The following PCDH9 variants were observed in gnomAD, a reference collection of about 807,000 sequenced individuals.
PCDH9 encodes protocadherin-9.
Under a neutral mutation model 70.6 loss-of-function variants are expected in PCDH9, and 24 were observed. The ratio of observed to expected loss-of-function variants is 0.34; its 90% CI spans 0.25 to 0.48. The LOEUF (loss-of-function observed/expected upper bound fraction) is 0.48, where lower values mean the gene tolerates loss of function less well. Among genes scored for constraint, PCDH9 ranks in the 20% least tolerant of loss-of-function variants. The pLI is 0.99. For missense variants in PCDH9, 1,281 were observed against 1,503.6 expected (o/e 0.85, Z 2.45); for synonymous variants, 562 against 558.5 (o/e 1.01, Z -0.09).
At chr13:66,651,040 C>A (rs895737197) in intron 3 of PCDH9, among the ~76,000 whole-genome samples, 1 of 150,882 alleles carries the variant, frequency 6.6e-6, no homozygotes, top group African/African-American at 2.4e-5. Context: ...AAAACAATAC[C>A]CAAAGTAAAA....
At chr13:66,690,622 T>C (rs1040727707) in intron 3 of PCDH9, among the ~76,000 whole-genome samples, 2 of 152,164 alleles carry the variant, frequency 1.3e-5, no homozygotes, top group African/African-American at 4.8e-5. Context: ...AAGGCAATTT[T>C]AAAAGTCACT....
chr13:66,555,764 C>T (rs993514011), intron 4 of PCDH9, among the ~76,000 whole-genome samples: 2 of 139,626 alleles, frequency 1.4e-5, no homozygotes, highest in Non-Finnish European at 3.2e-5. Context: ...CAATGTAAAA[C>T]CTAGTTTAAA....
At chr13:67,192,551 A>G (rs2088946712) in intron 2 of PCDH9, among the ~76,000 whole-genome samples, 1 of 152,200 alleles carries the variant, frequency 6.6e-6, no homozygotes, top group Non-Finnish European at 1.5e-5. Context: ...AATAACAAGA[A>G]CATATTCATT....
At chr13:66,369,179 G>A (rs551275091) in intron 4 of PCDH9, among the ~76,000 whole-genome samples, 143 of 152,116 alleles carry the variant, frequency 9.4e-4, no homozygotes, top group African/African-American at 3.3e-3. Context: ...TGTTTTTAAG[G>A]GTGAACATCT....
rs2089930022 is a variant in PCDH9, at chr13:67,228,230, C to T, written c.211G>A (p.Gly71Arg). The change falls in exon 2 of 5, where the codon GGG becomes AGG. Residue 71 changes from glycine to arginine, a missense_variant. Gly to Arg is a moderately radical substitution (Grantham distance 125). Transcript: ENST00000377865. ...SLVYRLVSKA[G>R]DAPLVKVSSS... ...GAAACTTTCACCAAAGGGGCATCCC[C>T]AGCTTTAGAAACCAGTCTGTAGACA... The T allele has an allele frequency of 6.2e-7, 1 of 1,612,358 alleles. No individual in the cohort carries two copies. The highest frequency in any genetic ancestry group is 1.7e-5 in the Admixed American group (1 of 59,786).
rs111482180 is a variant in PCDH9, at chr13:66,320,854, T to G, written c.3341-15826A>C. Among the ~76,000 whole-genome samples, 1,434 of 152,072 alleles carry G rather than the reference T, an allele frequency of 9.4e-3. 48 individuals carry two copies. Among genetic ancestry groups the G allele is most frequent in the African/African-American group, 0.032 (1,346 of 41,428 alleles). On this transcript the variant is annotated intron_variant, in intron 4 of 4. Transcript: ENST00000377865. ...GTGACACAGGTGATAGAGGATGAAATGGTGTTATTTGACTAAACAGATGAT... is the reference window on the plus strand; with the variant it reads ...GTGACACAGGTGATAGAGGATGAAAGGGTGTTATTTGACTAAACAGATGAT...
rs185302477 is a variant in PCDH9 at position 66,779,154 on chromosome 13, G to C, written c.3138+124350C>G. 3.8e-3 allele frequency among the ~76,000 whole-genome samples: 573 copies of C among 149,828 alleles called. 2 individuals are homozygous for C. The highest frequency in any genetic ancestry group is 6.8e-3 in the Non-Finnish European group (457 of 67,678). On this transcript the variant is annotated intron_variant, in intron 3 of 4. Transcript: ENST00000377865. ...TATTTTGGTATCTTTTTCTCAGTGA[G>C]ATTGTTCATAATTCTGCAGTTCAGT...
intron 3 of PCDH9, among the ~76,000 whole-genome samples, chr13:66,846,962 C>T: frequency 6.6e-6 from 1 of 151,634 alleles, no homozygotes; most frequent in East Asian, 1.9e-4. Flanking sequence ...AATAAGATAA[C>T]TTATTAAAAG....
At chr13:66,679,635 A>C (rs2078291424) in intron 3 of PCDH9, among the ~76,000 whole-genome samples, 1 of 151,982 alleles carries the variant, frequency 6.6e-6, no homozygotes, top group African/African-American at 2.4e-5. Flanking sequence ...TTTTGTATGA[A>C]TATAGCAATG....
At chr13:66,547,373 T>C (rs9571594) in intron 4 of PCDH9, among the ~76,000 whole-genome samples, 76,118 of 151,996 alleles carry the variant, frequency 0.5, 20,189 homozygotes, top group East Asian at 0.67. Flanking sequence ...AACGTTTTTA[T>C]CTTTGTTCAA....
chr13:66,381,392 A>G (rs1956845940), intron 4 of PCDH9, among the ~76,000 whole-genome samples: 1 of 152,186 alleles, frequency 6.6e-6, no homozygotes, highest in South Asian at 2.1e-4. Flanking sequence ...CAAATAGTAA[A>G]ACTTATGTGT....
intron 3 of PCDH9, among the ~76,000 whole-genome samples, chr13:66,709,839 A>G (rs1405788784): frequency 6.6e-6 from 1 of 152,210 alleles, no homozygotes; most frequent in Non-Finnish European, 1.5e-5. Context: ...TACTTAACAG[A>G]GTCAGGGAGG....
chr13:66,775,362 G>C (rs529516800), intron 3 of PCDH9, among the ~76,000 whole-genome samples: 3 of 152,292 alleles, frequency 2.0e-5, no homozygotes, highest in Admixed American at 6.5e-5. Flanking sequence ...AGCTGGACGA[G>C]CAGGTACAAA....
At chr13:66,529,728 C>G (rs1960366241) in intron 4 of PCDH9, among the ~76,000 whole-genome samples, 1 of 151,842 alleles carries the variant, frequency 6.6e-6, no homozygotes. Context: ...ATCTCTTTTA[C>G]ATGGCAGGTA....
At chr13:66,503,791 C>G (rs975086278) in intron 4 of PCDH9, among the ~76,000 whole-genome samples, 1 of 152,134 alleles carries the variant, frequency 6.6e-6, no homozygotes, top group Non-Finnish European at 1.5e-5. Flanking sequence ...TTTCTCCTGT[C>G]CCTTTCACTC....
chr13:67,001,481 G>A (rs1310697110), intron 2 of PCDH9, among the ~76,000 whole-genome samples: 2 of 151,522 alleles, frequency 1.3e-5, no homozygotes, highest in Non-Finnish European at 3.0e-5. Flanking sequence ...CCCAATAAGG[G>A]AAAAGCAGTG....
intron 2 of PCDH9, among the ~76,000 whole-genome samples, chr13:66,983,313 T>A (rs991481142): frequency 2.0e-5 from 3 of 151,968 alleles, no homozygotes; most frequent in African/African-American, 4.8e-5. Flanking sequence ...ATTAAAAAAA[T>A]AAAAAGTCAC....
intron 3 of PCDH9, among the ~76,000 whole-genome samples, chr13:66,685,845 G>T (rs938466293): frequency 3.5e-4 from 54 of 152,152 alleles, no homozygotes; most frequent in African/African-American, 1.2e-3. Context: ...AGGGCCTGTA[G>T]CCCCTTTGTT....
rs571704935 is a variant in PCDH9 at position 67,069,213 on chromosome 13, T to C, written c.3036+156192A>G. On this transcript the variant is annotated intron_variant, in intron 2 of 4. Transcript: ENST00000377865. ...CTCATTTTCTAATAATTTTCTAGAA[T>C]GACTACAAATATGCTTTTTCAAAAA... 3.7e-3 allele frequency among the ~76,000 whole-genome samples: 563 copies of C among 152,250 alleles called. 1 individual carries two copies. Among genetic ancestry groups the C allele is most frequent in the Middle Eastern group, 0.01 (3 of 294 alleles).
Sources: gnomAD v4.1 joint callset for allele counts (sites outside exome capture counted in the v4.1 genomes callset) on GRCh38, gnomAD v4.1.1 for gene constraint, MANE v1.5 for transcripts, NCBI Gene and HGNC (gene_info 2026-07-23, HGNC 2026-07-21) for gene names.